The following BCAT1 variants were observed in gnomAD, a reference collection of about 807,000 sequenced individuals.
The protein encoded by BCAT1 is branched-chain-amino-acid aminotransferase, cytosolic.
In BCAT1, 48 loss-of-function variants were observed where a neutral mutation model predicts 52.4. The observed-to-expected ratio is 0.92, with a 90% CI of 0.73 to 1.16. BCAT1 has a LOEUF of 1.16. Among genes scored for constraint, BCAT1 ranks in the 50% most tolerant of loss-of-function variants. BCAT1 has a pLI of 0.00. For missense variants in BCAT1, 451 were observed against 457.1 expected (o/e 0.99, Z 0.12); for synonymous variants, 167 against 161.3 (o/e 1.04, Z -0.27).
chr12:24,843,235 C>CA (rs1435500295), intron 6 of BCAT1, among the ~76,000 whole-genome samples: 1 of 152,130 alleles, frequency 6.6e-6, no homozygotes, highest in African/African-American at 2.4e-5. Flanking sequence ...TAATCTACCA[C>CA]AAAATATCTA....
intron 9 of BCAT1, among the ~76,000 whole-genome samples, chr12:24,832,056 A>AT (rs113164779): frequency 2.0e-5 from 3 of 151,994 alleles, no homozygotes; most frequent in African/African-American, 7.3e-5. Context: ...GTAAAAAAAA[A>AT]TCAAGGGATT....
chr12:24,911,231 GT>G (rs968222733), intron 1 of BCAT1, among the ~76,000 whole-genome samples: 4 of 151,662 alleles, frequency 2.6e-5, no homozygotes, highest in Admixed American at 1.3e-4. Flanking sequence ...TTTGTTTAGA[GT>G]TTTTTTTGCA....
intron 10 of BCAT1, among the ~76,000 whole-genome samples, chr12:24,821,765 T>C (rs770709449): frequency 6.6e-6 from 1 of 152,198 alleles, no homozygotes; most frequent in Non-Finnish European, 1.5e-5. Flanking sequence ...TGACTAATTA[T>C]AATGTAATTT....
At chr12:24,937,502 GTTTT>G (rs552628706) in intron 1 of BCAT1, among the ~76,000 whole-genome samples, 28 of 146,772 alleles carry the variant, frequency 1.9e-4, no homozygotes, top group Non-Finnish European at 2.6e-4. Flanking sequence ...TTTTTTGTTG[GTTTT>G]TGTTTGTTTG....
chr12:24,821,828 A>G lies in BCAT1; in HGVS notation c.1120-3779T>C, dbSNP rs561304711. ...CTGTGAAACTGGAGGAAGAAGCAGC[A>G]TTCAAGTGAGTGAATGTGTATTTGG... On this transcript the variant is annotated intron_variant, in intron 10 of 10. Coordinates refer to ENST00000261192, the MANE Select transcript of BCAT1 (RefSeq NM_005504.7). Among the ~76,000 whole-genome samples, 13 of 152,302 alleles carry G rather than the reference A, an allele frequency of 8.5e-5. No individual in the cohort carries two copies. In the South Asian group the frequency reaches 2.5e-3, roughly 29 times the overall value.
intron 5 of BCAT1, among the ~76,000 whole-genome samples, chr12:24,874,988 C>T (rs77840356): frequency 0.027 from 3,782 of 139,530 alleles, 140 homozygotes; most frequent in African/African-American, 0.097. Flanking sequence ...TAGAAGTCAG[C>T]CAAAAGCAAG....
intron 1 of BCAT1, among the ~76,000 whole-genome samples, chr12:24,925,511 C>T (rs899200689): frequency 1.3e-5 from 2 of 152,040 alleles, no homozygotes; most frequent in African/African-American, 4.8e-5. Context: ...GTTCTGTTTC[C>T]CTGGAGAACC....
intron 2 of BCAT1, among the ~76,000 whole-genome samples, chr12:24,900,309 A>G (rs1196499337): frequency 2.0e-5 from 3 of 152,226 alleles, no homozygotes; most frequent in African/African-American, 7.2e-5. Flanking sequence ...ATTTATGGCC[A>G]GGCATTGTGG....
chr12:24,913,907 G>T (rs1356998416), intron 1 of BCAT1, among the ~76,000 whole-genome samples: 1 of 152,082 alleles, frequency 6.6e-6, no homozygotes, highest in Middle Eastern at 3.4e-3. Flanking sequence ...GGAAGTTAGA[G>T]TACTATTTTT....
chr12:24,930,331 T>C (rs1239568892), intron 1 of BCAT1, among the ~76,000 whole-genome samples: 2 of 152,228 alleles, frequency 1.3e-5, no homozygotes. Flanking sequence ...GTAGCCTTCT[T>C]AGACAGTGTC....
intron 5 of BCAT1, among the ~76,000 whole-genome samples, chr12:24,872,014 G>C (rs1013099346): frequency 1.3e-5 from 2 of 152,104 alleles, no homozygotes; most frequent in African/African-American, 4.8e-5. Context: ...TAAATGTATA[G>C]ACAGTACCCA....
intron 1 of BCAT1, 121 bp from the exon 2 acceptor site, chr12:24,902,006 A>G (rs759717379): frequency 6.3e-7 from 1 of 1,592,568 alleles, no homozygotes; most frequent in South Asian, 1.1e-5. Context: ...CAAACACAAA[A>G]AAGGAGGCTC....
intron 5 of BCAT1, among the ~76,000 whole-genome samples, chr12:24,856,725 T>C (rs1166343159): frequency 2.0e-5 from 3 of 152,206 alleles, no homozygotes; most frequent in African/African-American, 7.2e-5. Context: ...GCCTAGTCTG[T>C]AATATTCTAT....
chr12:24,888,787 G>A (rs1249236708), intron 3 of BCAT1, among the ~76,000 whole-genome samples: 2 of 152,184 alleles, frequency 1.3e-5, no homozygotes, highest in African/African-American at 2.4e-5. Flanking sequence ...TCCTCAGTAA[G>A]GTTTTTGTTT....
chr12:24,930,995 C>G (rs947852232), intron 1 of BCAT1, among the ~76,000 whole-genome samples: 1 of 150,742 alleles, frequency 6.6e-6, no homozygotes, highest in Admixed American at 6.7e-5. Context: ...CTCCACCTCC[C>G]AGGTTCTGGT....
At chr12:24,917,289 C>G (rs1198758297) in intron 1 of BCAT1, among the ~76,000 whole-genome samples, 1 of 147,768 alleles carries the variant, frequency 6.8e-6, no homozygotes, top group Non-Finnish European at 1.5e-5. Context: ...CGCCATTCTT[C>G]CGCCTCAGCC....
At chr12:24,871,074 G>A (rs1205132905) in intron 5 of BCAT1, among the ~76,000 whole-genome samples, 1 of 152,174 alleles carries the variant, frequency 6.6e-6, no homozygotes, top group Non-Finnish European at 1.5e-5. Flanking sequence ...GGAAAGCACT[G>A]AGTACAGTGC....
chr12:24,883,828 C>CG (rs1450171979), intron 3 of BCAT1, among the ~76,000 whole-genome samples: 2 of 152,094 alleles, frequency 1.3e-5, no homozygotes, highest in Non-Finnish European at 2.9e-5. Context: ...TAGATTCCTG[C>CG]AATGCACAGT....
chr12:24,902,244 C>T, intron 1 of BCAT1: 1 of 1,346,362 alleles, frequency 7.4e-7, no homozygotes, highest in Non-Finnish European at 9.5e-7. Context: ...GGGTGTTAAG[C>T]CATTTATAGA....
Sources: allele counts gnomAD v4.1 joint callset (sites outside exome capture counted in the v4.1 genomes callset), GRCh38; gene constraint gnomAD v4.1.1; transcripts MANE v1.5; gene names NCBI Gene and HGNC (gene_info 2026-07-23, HGNC 2026-07-21).